Variants in SCN4A observed in about 807,000 individuals in gnomAD.
The protein encoded by SCN4A is sodium voltage-gated channel alpha subunit 4.
A neutral mutation model predicts 162.0 loss-of-function variants in SCN4A; 83 were observed. The ratio of observed to expected loss-of-function variants is 0.51; its 90% CI spans 0.43 to 0.61. The LOEUF (loss-of-function observed/expected upper bound fraction) is 0.61, where lower values mean the gene tolerates loss of function less well. SCN4A is among the 20% of genes least tolerant of loss of function. SCN4A has a pLI of 0.00. For synonymous variants in SCN4A, 944 were observed against 985.1 expected (o/e 0.96, Z 0.78); for missense variants, 2,196 against 2,462.5 (o/e 0.89, Z 2.29).
chr17:63,946,471 C>G (rs978968605), intron 18 of SCN4A, among the ~76,000 whole-genome samples: 17 of 132,746 alleles, frequency 1.3e-4, no homozygotes, highest in Non-Finnish European at 2.4e-4. Flanking sequence ...TGCCCCCCCC[C>G]CCACCCCGCC....
chr17:63,963,657 GC>G lies in SCN4A; in HGVS notation c.1606+14del, dbSNP rs1461215170. ...CACCCCTACCTAAGTGGGCACGGGG[GC>G]ACAAGGCACTCACCTTCCATGGCGT... On this transcript the variant is annotated intron_variant, in intron 10 of 23. Transcript: ENST00000435607. 1.3e-6 allele frequency: 2 copies of G among 1,550,306 alleles called. No individual in the cohort carries two copies. The highest frequency in any genetic ancestry group is 1.7e-6 in the Non-Finnish European group (2 of 1,148,952).
chr17:63,971,246 T>C lies in SCN4A; in HGVS notation c.619A>G (p.Thr207Ala), dbSNP rs1567829142. 3 of 1,479,634 alleles carry C rather than the reference T, an allele frequency of 2.0e-6. No individual in the cohort carries two copies. The highest frequency in any genetic ancestry group is 9.2e-7 in the Non-Finnish European group (1 of 1,091,124). The allele number at this position is 1,479,634 out of a possible 1,614,324, so 91.7% of individuals were successfully genotyped here. A position where few individuals can be genotyped will look rare whatever the true frequency, so the allele number is the denominator to read the frequency against. ...ATGTTGCCCAAGTCCACAAACTCTG[T>C]CAGGTACCTGGGTAGGGGGTGGAGG... ...DFSVIMMAYL[T>A]EFVDLGNISA... The change falls in exon 5 of 24, where the codon ACA becomes GCA. Residue 207 changes from threonine to alanine, a missense_variant. Physicochemically the swap from Thr to Ala is moderately conservative, Grantham distance 58. Transcript: ENST00000435607.
rs150220553 is a variant in SCN4A at position 63,965,814 on chromosome 17, A to T, written c.1242+288T>A. Reference sequence around the variant, plus strand: ...CAGCATTGGATTTCTAAGCTGCCCTACTGGCTATCATGAGGCCTAGGGGGT... The same window carrying T: ...CAGCATTGGATTTCTAAGCTGCCCTTCTGGCTATCATGAGGCCTAGGGGGT... On this transcript the variant is annotated intron_variant, in intron 8 of 23. Transcript: ENST00000435607. Among the ~76,000 whole-genome samples, 56 of 152,314 alleles carry T rather than the reference A, an allele frequency of 3.7e-4. 1 individual carries two copies. The East Asian group carries it at 8.3e-3, about 23-fold the overall frequency.
In SCN4A at chr17:63,944,688, G is replaced by T. The variant is rs1342867575; in HGVS notation, c.3897C>A (p.Asn1299Lys). The change falls in exon 21 of 24, where the codon AAC becomes AAA. Residue 1299 changes from asparagine to lysine, a missense_variant. Asn to Lys is a moderately conservative substitution (Grantham distance 94, BLOSUM62 0). Coordinates refer to ENST00000435607, the MANE Select transcript of SCN4A (RefSeq NM_000334.4). This position sits in a 1 kb window ranked among gnomAD's most constrained non-coding sequence, Gnocchi z 4.3. Reference protein sequence around the residue: ...LFIGVIIDNFNQQKKKLGGKD... With the variant: ...LFIGVIIDNFKQQKKKLGGKD... ...TGATACTCATCTTCTTCTTCTGCTG[G>T]TTGAAGTTGTCAATGATGACGCCAA... 2 of 1,607,390 alleles carry T rather than the reference G, an allele frequency of 1.2e-6. No individual in the cohort carries two copies. The highest frequency in any genetic ancestry group is 1.7e-6 in the Non-Finnish European group (2 of 1,176,970).
At position 63,948,763 on chromosome 17, in the gene SCN4A, A is replaced by C; in HGVS notation, c.2992T>G (p.Cys998Gly). 1 of 1,603,342 alleles carries C rather than the reference A, an allele frequency of 6.2e-7. No homozygotes were observed. Residue 998 changes from cysteine (C) to glycine (G), a missense_variant and splice_region_variant, in exon 16 of 24, where the codon TGC becomes GGC. Cys to Gly is a radical substitution (Grantham distance 159). Coordinates refer to ENST00000435607, the MANE Select transcript of SCN4A (RefSeq NM_000334.4). The part of the protein sequence containing the change: ...EQPEECFTEA[C>G]VQRWPCLYVD... ...TAGAGGCAGGGCCAGCGCTGCACGC[A>C]GGCTGATGGGGTGAGGGGGGACAGG...
intron 23 of SCN4A, 67 bp downstream of exon 23, chr17:63,942,759 G>A: frequency 2.0e-6 from 3 of 1,514,750 alleles, no homozygotes; most frequent in Non-Finnish European, 2.7e-6. Flanking sequence ...GTGTGTCCGT[G>A]TGAGGATGGG....
intron 13 of SCN4A, among the ~76,000 whole-genome samples, chr17:63,952,973 C>A (rs1351753588): frequency 6.6e-6 from 1 of 152,216 alleles, no homozygotes; most frequent in African/African-American, 2.4e-5. Flanking sequence ...GCTGTGTGCT[C>A]TGAGGCAATT....
rs1234696134 is a variant in SCN4A at position 63,945,087 on chromosome 17, C to A, written c.3721-27G>T. ...TGAGAGAGTGTGGTTGGGGAGTGAG[C>A]CGGGGGGCTGCTCCCTGCTTTCATC... is the stretch of plus-strand genomic sequence containing the variant. On this transcript the variant is annotated intron_variant, in intron 19 of 23. Transcript: ENST00000435607. The surrounding 1 kb of genome is among the most constrained non-coding windows in gnomAD (Gnocchi z 4.4). The A allele has an allele frequency of 1.2e-6, 2 of 1,606,368 alleles. No homozygotes were observed. The highest frequency in any genetic ancestry group is 1.7e-5 in the Admixed American group (1 of 59,628).
At chr17:63,954,164 C>T (rs956519131) in intron 13 of SCN4A, among the ~76,000 whole-genome samples, 8 of 152,236 alleles carry the variant, frequency 5.3e-5, no homozygotes, top group Non-Finnish European at 1.2e-4. Flanking sequence ...CACCAGCCTC[C>T]TCCAAGGTCT....
chr17:63,968,147 G>A lies in SCN4A; in HGVS notation c.912C>T (p.Asp304=). 6.2e-7 allele frequency: 1 copy of A among 1,613,872 alleles called. No homozygotes were observed. Among genetic ancestry groups the A allele is most frequent in the South Asian group, 1.1e-5 (1 of 91,066 alleles). The change falls in exon 6 of 24, where the codon GAC becomes GAT. Residue 304 remains aspartate, a synonymous_variant. Transcript: ENST00000435607. ...WYSNDTWYGN[D]TWYGNEMWYG... ...ACCACATCTCATTGCCATACCATGTGTCATTGCCGTACCACGTGTCATTGC... is the reference window on the plus strand; with the variant it reads ...ACCACATCTCATTGCCATACCATGTATCATTGCCGTACCACGTGTCATTGC...
chr17:63,945,097 G>A lies in SCN4A; in HGVS notation c.3721-37C>T. ...TGGTTGGGGAGTGAGCCGGGGGGCT[G>A]CTCCCTGCTTTCATCATCCATGAGT... On this transcript the variant is annotated intron_variant, in intron 19 of 23. Coordinates refer to ENST00000435607, the MANE Select transcript of SCN4A (RefSeq NM_000334.4). The surrounding 1 kb of genome is among the most constrained non-coding windows in gnomAD (Gnocchi z 4.4). 1.9e-6 allele frequency: 3 copies of A among 1,595,624 alleles called. No homozygotes were observed. The highest frequency in any genetic ancestry group is 1.7e-6 in the Non-Finnish European group (2 of 1,164,648).
chr17:63,951,412 G>A lies in SCN4A; in HGVS notation c.2853+12C>T. On this transcript the variant is annotated intron_variant, in intron 14 of 23. Transcript: ENST00000435607. This position sits in a 1 kb window ranked among gnomAD's most constrained non-coding sequence, Gnocchi z 4.5. ...TGAAGCCGGGTCTGTCTGAGCCCCA[G>A]CCCCGGCTCACCTTGCTATCCTCAG... 1.3e-6 allele frequency: 2 copies of A among 1,566,630 alleles called. No homozygotes were observed. Among genetic ancestry groups the A allele is most frequent in the East Asian group, 2.3e-5 (1 of 44,334 alleles).
chr17:63,958,697 C>T (rs1193641930), intron 12 of SCN4A, among the ~76,000 whole-genome samples: 1 of 152,152 alleles, frequency 6.6e-6, no homozygotes, highest in Admixed American at 6.5e-5. Flanking sequence ...GGATTACAGG[C>T]GTGCGCCACC....
chr17:63,943,808 A>T lies in SCN4A; in HGVS notation c.3955T>A (p.Tyr1319Asn), dbSNP rs1908624737. 8.1e-6 allele frequency: 13 copies of T among 1,613,418 alleles called. No individual in the cohort carries two copies. The highest frequency in any genetic ancestry group is 1.0e-5 in the Non-Finnish European group (12 of 1,179,476). The change falls in exon 22 of 24, where the codon TAC (tyrosine) becomes AAC (asparagine). Residue 1319 changes from tyrosine to asparagine, a missense_variant. Coordinates refer to ENST00000435607, the MANE Select transcript of SCN4A (RefSeq NM_000334.4). ...DIFMTEEQKK[Y>N]YNAMKKLGSK... ...CCAAGCTTCTTCATGGCGTTATAGTATTTCTTCTGTTCCTCCGTCATAAAG... is the reference window on the plus strand; with the variant it reads ...CCAAGCTTCTTCATGGCGTTATAGTTTTTCTTCTGTTCCTCCGTCATAAAG...
chr17:63,954,131 C>T lies in SCN4A; in HGVS notation c.2377-2231G>A, dbSNP rs1290511307. On this transcript the variant is annotated intron_variant, in intron 13 of 23. Coordinates refer to ENST00000435607, the MANE Select transcript of SCN4A (RefSeq NM_000334.4). ...GATCCGCCACCCTTGGCCGTCTCCTCGGCGGGTCTCACTCCTGGCTCTCAC... is the reference window on the plus strand; with the variant it reads ...GATCCGCCACCCTTGGCCGTCTCCTTGGCGGGTCTCACTCCTGGCTCTCAC... 2.0e-5 allele frequency among the ~76,000 whole-genome samples: 3 copies of T among 152,304 alleles called. No homozygotes were observed. The South Asian group carries it at 6.2e-4, about 32-fold the overall frequency.
In SCN4A at chr17:63,948,736, C is replaced by A; in HGVS notation, c.3019G>T (p.Val1007Leu). The change falls in exon 16 of 24, where the codon GTG (valine) becomes TTG (leucine). Residue 1007 changes from valine to leucine, a missense_variant. Physicochemically the swap from Val to Leu is conservative, Grantham distance 32. Coordinates refer to ENST00000435607, the MANE Select transcript of SCN4A (RefSeq NM_000334.4). The part of the protein sequence containing the change: ...ACVQRWPCLY[V>L]DISQGRGKKW... ...TTCCCACGGCCCTGGGAGATGTCCA[C>A]GTAGAGGCAGGGCCAGCGCTGCACG... 6.2e-7 allele frequency: 1 copy of A among 1,612,550 alleles called. No individual in the cohort carries two copies. Among genetic ancestry groups the A allele is most frequent in the African/African-American group, 1.3e-5 (1 of 75,038 alleles).
rs1261083956 is a variant in SCN4A, at chr17:63,940,139, G to A, written c.*632C>T. 1 of 152,276 alleles carries A rather than the reference G, an allele frequency of 6.6e-6. No homozygotes were observed. The highest frequency in any genetic ancestry group is 1.9e-4 in the East Asian group (1 of 5,188). 9.4% of individuals were successfully genotyped at this position (152,276 alleles called of 1,614,324 possible). On this transcript the variant is annotated 3_prime_UTR_variant, in exon 24 of 24. Coordinates refer to ENST00000435607, the MANE Select transcript of SCN4A (RefSeq NM_000334.4). Reference sequence around the variant, plus strand: ...GTCACCATCCCAGCCCAAAGCAGCAGGATCCAGTGGCCAATCAGGTTTTGA... The same window carrying A: ...GTCACCATCCCAGCCCAAAGCAGCAAGATCCAGTGGCCAATCAGGTTTTGA...
At position 63,966,257 on chromosome 17, in the gene SCN4A, AG is replaced by A. The variant is rs1909441726; in HGVS notation, c.1101-15del. 2.0e-6 allele frequency: 3 copies of A among 1,535,632 alleles called. No individual in the cohort carries two copies. The Admixed American group carries it at 5.3e-5, about 27-fold the overall frequency. ...TCAGGGCAGTGCCTAGGAATAGGAC[AG>A]GGGGCTGGGTTTAGGGTGGGAGGAG... is the stretch of plus-strand genomic sequence containing the variant. On this transcript the variant is annotated splice_polypyrimidine_tract_variant and intron_variant, in intron 7 of 23. Transcript: ENST00000435607.
intron 22 of SCN4A, 116 bp from the exon 23 acceptor site, chr17:63,943,212 C>CAGAGAGAGAGAGAGAGAGAG (rs111745569): frequency 5.4e-6 from 2 of 369,026 alleles, no homozygotes; most frequent in East Asian, 1.8e-4. Flanking sequence ...ACAGAGATGA[C>CAGAGAGAGAGAGAGAGAGAG]AGAGAGAGAG....
Sources: allele counts gnomAD v4.1 joint callset (sites outside exome capture counted in the v4.1 genomes callset), GRCh38; gene constraint gnomAD v4.1.1; non-coding constraint Gnocchi (gnomAD v3.1); transcripts MANE v1.5; gene names NCBI Gene and HGNC (gene_info 2026-07-23, HGNC 2026-07-21).